Variants in TGM2 observed in about 807,000 individuals in gnomAD.
TGM2 encodes transglutaminase 2, also known as protein-glutamine gamma-glutamyltransferase 2.
TGM2 carries 53 observed loss-of-function variants against 75.6 expected under a neutral mutation model. That is an observed-to-expected ratio of 0.70 (90% CI 0.56 to 0.88). The LOEUF (loss-of-function observed/expected upper bound fraction) is 0.88. TGM2 is among the 40% of genes least tolerant of loss of function. The pLI is 0.00. For synonymous variants in TGM2, 374 were observed against 381.1 expected, an observed-to-expected ratio of 0.98 and a Z score of 0.22; for missense variants, 842 against 928.5, an observed-to-expected ratio of 0.91 and a Z score of 1.21.
At chr20:38,147,862 G>T in intron 5 of TGM2, 99 bp downstream of exon 5, 1 of 1,516,674 alleles carries the variant, frequency 6.6e-7, no homozygotes. Flanking sequence ...CATCTCCCGG[G>T]TCCCCCACCG....
chr20:38,133,538 T>C (rs1000593859), intron 10 of TGM2: 1 of 152,582 alleles, frequency 6.6e-6, no homozygotes, highest in Non-Finnish European at 1.5e-5. Context: ...CTGGAGGACC[T>C]TAGCAGTTTA....
intron 10 of TGM2, among the ~76,000 whole-genome samples, chr20:38,135,270 C>T (rs2074884857): frequency 6.6e-6 from 1 of 152,228 alleles, no homozygotes; most frequent in South Asian, 2.1e-4. Flanking sequence ...CCCCTTGGAG[C>T]AGCTCTGAGC....
At chr20:38,158,740 A>C (rs2075217584) in intron 2 of TGM2, among the ~76,000 whole-genome samples, 1 of 152,192 alleles carries the variant, frequency 6.6e-6, no homozygotes, top group Non-Finnish European at 1.5e-5. Flanking sequence ...CACATGCTCC[A>C]TTCGCTGAGT....
At chr20:38,164,088 C>T (rs1170367622) in intron 1 of TGM2, among the ~76,000 whole-genome samples, 1 of 152,244 alleles carries the variant, frequency 6.6e-6, no homozygotes, top group Non-Finnish European at 1.5e-5. Context: ...TCTCCAGGAT[C>T]TCCCAGCCCC....
intron 5 of TGM2, among the ~76,000 whole-genome samples, chr20:38,147,136 C>A (rs779858379): frequency 6.6e-6 from 1 of 151,954 alleles, no homozygotes; most frequent in Admixed American, 6.6e-5. Flanking sequence ...GACTTGAACG[C>A]GATACTGGGG....
At chr20:38,132,195 G>T in intron 11 of TGM2, 145 bp downstream of exon 11, 1 of 872,522 alleles carries the variant, frequency 1.1e-6, no homozygotes, top group East Asian at 2.5e-5. Context: ...GCTTTTCTTC[G>T]ATGAGGCTAG....
Position 38,139,589 on chromosome 20 carries a change from C to T in TGM2, c.1165G>A (p.Asp389Asn), listed in dbSNP as rs41274716. Reference sequence around the variant, plus strand: ...ACCTCCGCAAAGACAAAGGGCGCATCGTACTTGGTGCTCAGGTCGCCCTCC... The same window carrying T: ...ACCTCCGCAAAGACAAAGGGCGCATTGTACTTGGTGCTCAGGTCGCCCTCC... ...IKEGDLSTKY[D>N]APFVFAEVNA... The change falls in exon 9 of 13, where the codon GAT (aspartate) becomes AAT (asparagine). Residue 389 changes from aspartate (D) to asparagine (N), a missense_variant. Asp to Asn is a conservative substitution (Grantham distance 23, BLOSUM62 1). Transcript: ENST00000361475. 6.2e-6 allele frequency: 10 copies of T among 1,614,196 alleles called. No homozygotes were observed. Among genetic ancestry groups the T allele is most frequent in the Admixed American group, 3.3e-5 (2 of 60,034 alleles).
At chr20:38,163,663 G>A (rs1325068546) in intron 1 of TGM2, among the ~76,000 whole-genome samples, 5 of 152,152 alleles carry the variant, frequency 3.3e-5, no homozygotes, top group African/African-American at 9.7e-5. Context: ...TCTCAAACCT[G>A]GGGGCAGATA....
At chr20:38,149,690 A>AAAAAAAACAAAAC (rs1568695252) in intron 4 of TGM2, among the ~76,000 whole-genome samples, 5 of 149,006 alleles carry the variant, frequency 3.4e-5, no homozygotes, top group Admixed American at 2.0e-4. Flanking sequence ...AAAAAAAAAA[A>AAAAAAAACAAAAC]AAAAAAAAAA....
At chr20:38,144,944 G>GTGACCAGGA (rs1399600789) in intron 6 of TGM2, among the ~76,000 whole-genome samples, 3 of 152,242 alleles carry the variant, frequency 2.0e-5, no homozygotes, top group Non-Finnish European at 4.4e-5. Flanking sequence ...ACAGCCCAGG[G>GTGACCAGGA]TGACCAGGAT....
intron 7 of TGM2, 82 bp from the exon 8 acceptor site, chr20:38,141,467 T>C: frequency 2.9e-6 from 3 of 1,037,772 alleles, no homozygotes; most frequent in South Asian, 1.4e-5. Flanking sequence ...CATGCATTCA[T>C]GTCCCCAGAT....
chr20:38,152,486 A>C (rs1408798705), intron 3 of TGM2, among the ~76,000 whole-genome samples: 1 of 152,240 alleles, frequency 6.6e-6, no homozygotes, highest in Non-Finnish European at 1.5e-5. Context: ...AAGAACCCAC[A>C]GTGTTTCAAC....
chr20:38,149,797 T>C (rs1298610420), intron 4 of TGM2, among the ~76,000 whole-genome samples: 1 of 152,008 alleles, frequency 6.6e-6, no homozygotes, highest in Admixed American at 6.6e-5. Context: ...CATTTTCTGA[T>C]GTATTTTATG....
Position 38,161,462 on chromosome 20 carries a change from A to AG in TGM2, c.147dup (p.Tyr50LeufsTer19). The stretch of plus-strand genomic sequence containing the variant: ...GTGAGACTGTCTACACTGGCCTCGT[A>AG]GTTGCGGCCCTCAAAGTGCAGGGTC... On this transcript the variant is annotated frameshift_variant, in exon 2 of 13. Transcript: ENST00000361475. LOFTEE classifies it high-confidence loss of function. The AG allele has an allele frequency of 6.2e-7, 1 of 1,614,100 alleles. No homozygotes were observed. Among genetic ancestry groups the AG allele is most frequent in the Non-Finnish European group, 8.5e-7 (1 of 1,180,004 alleles).
chr20:38,155,758 C>A (rs2075176020), intron 3 of TGM2, 89 bp downstream of exon 3: 1 of 1,502,260 alleles, frequency 6.7e-7, no homozygotes, highest in Non-Finnish European at 8.9e-7. Context: ...GTCTCTTATC[C>A]CCTGTTCTTC....
At chr20:38,161,112 G>A (rs1017289766) in intron 2 of TGM2, among the ~76,000 whole-genome samples, 1 of 152,102 alleles carries the variant, frequency 6.6e-6, no homozygotes, top group African/African-American at 2.4e-5. Context: ...GCCTGTGGAT[G>A]GGATCCTGAT....
chr20:38,133,363 C>T (rs1282067854), intron 10 of TGM2: 3 of 164,330 alleles, frequency 1.8e-5, no homozygotes, highest in East Asian at 3.3e-4. Context: ...CCTCTGTTTC[C>T]TCTCTGTTCC....
intron 12 of TGM2, among the ~76,000 whole-genome samples, chr20:38,130,848 G>A (rs1247487790): frequency 6.6e-6 from 1 of 152,216 alleles, no homozygotes; most frequent in African/African-American, 2.4e-5. Flanking sequence ...CTGCAGGTGA[G>A]CGCCTATTGA....
intron 8 of TGM2, 25 bp from the exon 9 acceptor site, chr20:38,139,679 G>T (rs1473421989): frequency 1.2e-6 from 2 of 1,613,790 alleles, no homozygotes; most frequent in Middle Eastern, 1.7e-4. Flanking sequence ...AAGGGGAAGG[G>T]ATGGGCCTGG....
Sources: allele counts gnomAD v4.1 joint callset (sites outside exome capture counted in the v4.1 genomes callset), GRCh38; gene constraint gnomAD v4.1.1; transcripts MANE v1.5; gene names NCBI Gene and HGNC (gene_info 2026-07-23, HGNC 2026-07-21).